TRDN: variants seen among roughly 807,000 people sequenced by gnomAD.
TRDN encodes the protein triadin in skeletal muscle.
A neutral mutation model predicts 149.7 loss-of-function variants in TRDN; 161 were observed. The ratio of observed to expected loss-of-function variants is 1.08; its 90% CI spans 0.95 to 1.23. The LOEUF (loss-of-function observed/expected upper bound fraction) is 1.23, where lower values mean the gene tolerates loss of function less well. Among genes scored for constraint, TRDN ranks in the 50% most tolerant of loss-of-function variants. The pLI is 0.00. For synonymous variants in TRDN, 294 were observed against 250.5 expected, an observed-to-expected ratio of 1.17 and a Z score of -1.64; for missense variants, 896 against 823.5, an observed-to-expected ratio of 1.09 and a Z score of -1.08.
chr6:123,371,258 A>G (rs544825123), intron 19 of TRDN, among the ~76,000 whole-genome samples: 3 of 152,258 alleles, frequency 2.0e-5, no homozygotes, highest in South Asian at 2.1e-4. Context: ...AATAAATTAT[A>G]TTTTTGTATT....
intron 5 of TRDN, among the ~76,000 whole-genome samples, chr6:123,527,314 TA>T (rs774632133): frequency 3.3e-5 from 5 of 152,044 alleles, no homozygotes; most frequent in Admixed American, 6.6e-5. Context: ...AGTTAGTCTG[TA>T]TATATCTTTT....
chr6:123,590,245 A>G (rs1266100234), intron 1 of TRDN, among the ~76,000 whole-genome samples: 1 of 152,080 alleles, frequency 6.6e-6, no homozygotes, highest in African/African-American at 2.4e-5. Flanking sequence ...TCAGATCAGC[A>G]GCGGCATTAG....
intron 1 of TRDN, among the ~76,000 whole-genome samples, chr6:123,578,765 A>G (rs949834248): frequency 6.6e-6 from 1 of 152,122 alleles, no homozygotes; most frequent in Non-Finnish European, 1.5e-5. Context: ...TTTTAATGAT[A>G]TTATTTTTAT....
intron 1 of TRDN, among the ~76,000 whole-genome samples, chr6:123,628,943 C>T (rs1028503911): frequency 6.6e-6 from 1 of 152,046 alleles, no homozygotes; most frequent in Admixed American, 6.6e-5. Flanking sequence ...AGGTAACTTG[C>T]CTTTTTCTAA....
rs182439422 is a variant in TRDN, at chr6:123,614,469, T to C, written c.22+22285A>G. On this transcript the variant is annotated intron_variant, in intron 1 of 40. Transcript: ENST00000334268. Reference sequence around the variant, plus strand: ...CTACTGTTATACTATTACACTATTATATATAAAAATACAATTTTAGAAAAT... The same window carrying C: ...CTACTGTTATACTATTACACTATTACATATAAAAATACAATTTTAGAAAAT... Among the ~76,000 whole-genome samples, 306 of 151,594 alleles carry C rather than the reference T, an allele frequency of 2.0e-3. 1 individual carries two copies. The highest frequency in any genetic ancestry group is 3.9e-3 in the African/African-American group (162 of 41,470).
chr6:123,293,417 G>A (rs1778080449), intron 24 of TRDN, among the ~76,000 whole-genome samples: 1 of 152,112 alleles, frequency 6.6e-6, no homozygotes, highest in Non-Finnish European at 1.5e-5. Context: ...GTTTCCCTGT[G>A]ATTCTTTGAT....
intron 24 of TRDN, among the ~76,000 whole-genome samples, chr6:123,309,694 T>C (rs1166638209): frequency 2.0e-5 from 3 of 151,862 alleles, no homozygotes; most frequent in Non-Finnish European, 4.4e-5. Context: ...AATAAATACA[T>C]TGAAAATTTT....
intron 7 of TRDN, among the ~76,000 whole-genome samples, chr6:123,504,701 C>T (rs997647846): frequency 1.3e-5 from 2 of 151,860 alleles, no homozygotes; most frequent in East Asian, 1.9e-4. Flanking sequence ...TGATATTATC[C>T]GTATTTTGGA....
chr6:123,225,786 G>C (rs1775336151), intron 38 of TRDN, among the ~76,000 whole-genome samples: 1 of 150,660 alleles, frequency 6.6e-6, no homozygotes, highest in Non-Finnish European at 1.5e-5. Context: ...TAAATCACTT[G>C]GTCTTTTCTG....
At chr6:123,427,996 G>A (rs1379274255) in intron 12 of TRDN, among the ~76,000 whole-genome samples, 13 of 152,048 alleles carry the variant, frequency 8.5e-5, no homozygotes, top group Non-Finnish European at 1.9e-4. Context: ...TCTCCCTTGT[G>A]TTATTCTCTA....
At position 123,606,984 on chromosome 6, in the gene TRDN, C is replaced by T. The variant is rs142292678; in HGVS notation, c.22+29770G>A. ...CTTGTTGCCTCTGGGAGTCCCCCCA[C>T]ACATTGATAAGCCTGAGTTTTTGCC... On this transcript the variant is annotated intron_variant, in intron 1 of 40. Transcript: ENST00000334268. 2.0e-3 allele frequency among the ~76,000 whole-genome samples: 300 copies of T among 152,300 alleles called. 1 individual carries two copies. Among genetic ancestry groups the T allele is most frequent in the Non-Finnish European group, 3.6e-3 (242 of 68,006 alleles).
At chr6:123,519,133 G>A (rs1779549248) in intron 5 of TRDN, among the ~76,000 whole-genome samples, 2 of 152,122 alleles carry the variant, frequency 1.3e-5, no homozygotes, top group Non-Finnish European at 2.9e-5. Flanking sequence ...GCACCTGCTA[G>A]AGTTTAATTT....
At chr6:123,445,320 G>T (rs1775250522) in intron 10 of TRDN, among the ~76,000 whole-genome samples, 1 of 149,222 alleles carries the variant, frequency 6.7e-6, no homozygotes, top group Non-Finnish European at 1.5e-5. Flanking sequence ...CAGGACATAG[G>T]CATGGGCAAG....
intron 10 of TRDN, among the ~76,000 whole-genome samples, chr6:123,443,701 G>T (rs9388240): frequency 8.6e-5 from 13 of 151,092 alleles, no homozygotes; most frequent in East Asian, 1.9e-4. Context: ...TTTGTATAAG[G>T]TGTAAGGAAG....
chr6:123,471,079 G>A (rs776553523), intron 9 of TRDN: 9 of 152,170 alleles, frequency 5.9e-5, no homozygotes, highest in Non-Finnish European at 8.8e-5. Context: ...AATGACTTTC[G>A]GAGTAATGGG....
chr6:123,532,838 A>G (rs73536732), intron 4 of TRDN, among the ~76,000 whole-genome samples: 17,417 of 150,524 alleles, frequency 0.12, 1,389 homozygotes, highest in Non-Finnish European at 0.16. Context: ...TTACTACTAG[A>G]CAGGTCTAAG....
At chr6:123,584,266 G>T (rs988452678) in intron 1 of TRDN, among the ~76,000 whole-genome samples, 1 of 151,752 alleles carries the variant, frequency 6.6e-6, no homozygotes. Context: ...AAGTATATGC[G>T]TCAGATATGA....
At chr6:123,396,717 G>A (rs1772747453) in intron 12 of TRDN, among the ~76,000 whole-genome samples, 1 of 152,072 alleles carries the variant, frequency 6.6e-6, no homozygotes, top group Admixed American at 6.6e-5. Context: ...CCACAGATAT[G>A]GAACAACCTG....
At chr6:123,295,459 T>C (rs911829567) in intron 24 of TRDN, among the ~76,000 whole-genome samples, 1 of 152,182 alleles carries the variant, frequency 6.6e-6, no homozygotes, top group African/African-American at 2.4e-5. Context: ...CCAAGAACAC[T>C]TGCAGGCTAA....
Sources: allele counts gnomAD v4.1 joint callset (sites outside exome capture counted in the v4.1 genomes callset), GRCh38; gene constraint gnomAD v4.1.1; transcripts MANE v1.5; gene names NCBI Gene and HGNC (gene_info 2026-07-23, HGNC 2026-07-21).